Variants in WSCD2 observed in about 807,000 individuals in gnomAD.
The protein encoded by WSCD2 is WSC domain sialate O sulfotransferase 2.
A neutral mutation model predicts 55.7 loss-of-function variants in WSCD2; 28 were observed. The ratio of observed to expected loss-of-function variants is 0.50; its 90% CI spans 0.37 to 0.69. The LOEUF (loss-of-function observed/expected upper bound fraction) is 0.69. Ranked by LOEUF, WSCD2 falls within the 30% of genes least tolerant of loss-of-function variation. WSCD2 has a pLI of 0.00. For missense variants in WSCD2, 616 were observed against 762.1 expected (o/e 0.81, Z 2.26); for synonymous variants, 301 against 301.9 (o/e 1.00, Z 0.03).
In WSCD2 at chr12:108,210,402, G is replaced by A; in HGVS notation, c.682+97G>A. On this transcript the variant is annotated intron_variant, in intron 4 of 8. Transcript: ENST00000547525. This position sits in a 1 kb window ranked among gnomAD's most constrained non-coding sequence, Gnocchi z 4.3. ...ACATGTCTGCCCTGTACCCTCCATG[G>A]CTCCCCATCACTCCAAGGCCACCAC... The A allele has an allele frequency of 1.4e-6, 2 of 1,440,870 alleles. No individual in the cohort carries two copies. The highest frequency in any genetic ancestry group is 1.8e-6 in the Non-Finnish European group (2 of 1,085,234). 89.3% of individuals were successfully genotyped at this position (1,440,870 alleles called of 1,614,324 possible).
intron 1 of WSCD2, among the ~76,000 whole-genome samples, chr12:108,153,507 G>A (rs1436159907): frequency 6.6e-6 from 1 of 152,150 alleles, no homozygotes; most frequent in Non-Finnish European, 1.5e-5. Flanking sequence ...TAAGAGTTAG[G>A]GCTTATAACC....
intron 1 of WSCD2, among the ~76,000 whole-genome samples, chr12:108,186,067 C>T (rs1365295601): frequency 1.3e-5 from 2 of 152,152 alleles, no homozygotes; most frequent in African/African-American, 4.8e-5. Flanking sequence ...CTCACCCCTT[C>T]ATCTCTCTCC....
At chr12:108,231,196 T>G (rs1275488717) in intron 6 of WSCD2, among the ~76,000 whole-genome samples, 1 of 152,058 alleles carries the variant, frequency 6.6e-6, no homozygotes, top group African/African-American at 2.4e-5. Context: ...TGCCTTCCCT[T>G]GGATGATAAA....
At position 108,224,964 on chromosome 12, in the gene WSCD2, G is replaced by A. The variant is rs1457582126; in HGVS notation, c.804+104G>A. ...GAGAAGCAACAGCTCAGTCGGGATA[G>A]ATGTAGTCGTTGACTGGGATCTATG... On this transcript the variant is annotated intron_variant, in intron 5 of 8. Transcript: ENST00000547525. 1.5e-5 allele frequency: 23 copies of A among 1,487,236 alleles called. No homozygotes were observed. The East Asian group carries it at 5.1e-4, about 33-fold the overall frequency. The allele number at this position is 1,487,236 out of a possible 1,614,324, so 92.1% of individuals were successfully genotyped here.
chr12:108,222,521 A>G (rs538651404), intron 4 of WSCD2, among the ~76,000 whole-genome samples: 1 of 152,238 alleles, frequency 6.6e-6, no homozygotes, highest in Non-Finnish European at 1.5e-5. Flanking sequence ...GATGGTTTTG[A>G]TCACACTGTG....
At chr12:108,167,958 A>G (rs1019416190) in intron 1 of WSCD2, among the ~76,000 whole-genome samples, 1 of 152,162 alleles carries the variant, frequency 6.6e-6, no homozygotes, top group African/African-American at 2.4e-5. Context: ...TGAGGGGTAA[A>G]ATGATCCTGG....
At chr12:108,206,001 G>A (rs983375149) in intron 2 of WSCD2, among the ~76,000 whole-genome samples, 2 of 152,180 alleles carry the variant, frequency 1.3e-5, no homozygotes, top group African/African-American at 4.8e-5. Context: ...GGTGCTTAGG[G>A]AGTGGCCTTG....
intron 1 of WSCD2, among the ~76,000 whole-genome samples, chr12:108,150,136 C>T (rs374214404): frequency 3.9e-5 from 6 of 152,128 alleles, no homozygotes; most frequent in Admixed American, 2.6e-4. Context: ...GTTATTATTA[C>T]CCTCATTTTA....
intron 7 of WSCD2, among the ~76,000 whole-genome samples, chr12:108,239,588 A>G (rs1281722333): frequency 6.6e-6 from 1 of 152,150 alleles, no homozygotes; most frequent in Non-Finnish European, 1.5e-5. Flanking sequence ...CCCTCATTCT[A>G]TGGGCCACAG....
intron 8 of WSCD2, among the ~76,000 whole-genome samples, chr12:108,245,501 G>A (rs1890023602): frequency 6.6e-6 from 1 of 152,214 alleles, no homozygotes; most frequent in South Asian, 2.1e-4. Context: ...TGGGATACCT[G>A]GAGCTACCTG....
Position 108,196,143 on chromosome 12 carries a change from T to C in WSCD2, c.311T>C (p.Leu104Pro), listed in dbSNP as rs369086967. 2.6e-5 allele frequency: 42 copies of C among 1,614,156 alleles called. No individual in the cohort carries two copies. In the African/African-American group the frequency reaches 3.6e-4, roughly 14 times the overall value. ...KGKDGNERAKLGDYGGAWSRA... is the reference protein window; with the variant it reads ...KGKDGNERAKPGDYGGAWSRA... ...AAGGATGGGAATGAGAGAGCCAAGCTTGGCGACTACGGTGGAGCCTGGAGC... is the reference window on the plus strand; with the variant it reads ...AAGGATGGGAATGAGAGAGCCAAGCCTGGCGACTACGGTGGAGCCTGGAGC... Residue 104 changes from leucine (L) to proline (P), a missense_variant, in exon 2 of 9, where the codon CTT becomes CCT. Transcript: ENST00000547525.
At chr12:108,162,839 G>A (rs1214630731) in intron 1 of WSCD2, among the ~76,000 whole-genome samples, 1 of 152,150 alleles carries the variant, frequency 6.6e-6, no homozygotes. Context: ...CCCTGGACTT[G>A]GTAAATGGCT....
chr12:108,171,711 G>A (rs1880273999), intron 1 of WSCD2: 1 of 152,064 alleles, frequency 6.6e-6, no homozygotes, highest in East Asian at 1.9e-4. Context: ...GCTGGATTAA[G>A]AGTTTCCATC....
intron 1 of WSCD2, among the ~76,000 whole-genome samples, chr12:108,152,089 C>G (rs1878060551): frequency 6.6e-6 from 1 of 152,200 alleles, no homozygotes. Context: ...TAGCTGCACT[C>G]TGATCCCCCC....
At chr12:108,240,574 G>A (rs776366077) in intron 8 of WSCD2, 30 bp downstream of exon 8, 16 of 1,558,034 alleles carry the variant, frequency 1.0e-5, no homozygotes, top group East Asian at 2.3e-5. Context: ...GGGAGGGGAG[G>A]GGAGGGGCTT....
chr12:108,158,073 C>T (rs1379697207), intron 1 of WSCD2, among the ~76,000 whole-genome samples: 1 of 152,206 alleles, frequency 6.6e-6, no homozygotes, highest in Non-Finnish European at 1.5e-5. Flanking sequence ...ATGCTCTGCA[C>T]AGCCTGTACT....
intron 4 of WSCD2, among the ~76,000 whole-genome samples, chr12:108,214,217 C>G (rs1460196360): frequency 6.6e-6 from 1 of 152,194 alleles, no homozygotes; most frequent in Non-Finnish European, 1.5e-5. Flanking sequence ...TAAGCAGTGG[C>G]ACAGAACCTT....
At chr12:108,149,667 C>T (rs1008785432) in intron 1 of WSCD2, among the ~76,000 whole-genome samples, 1 of 152,162 alleles carries the variant, frequency 6.6e-6, no homozygotes, top group African/African-American at 2.4e-5. Flanking sequence ...ATGATGTGTC[C>T]CCCACCCCGC....
At chr12:108,151,994 C>T (rs1015385447) in intron 1 of WSCD2, among the ~76,000 whole-genome samples, 2 of 152,206 alleles carry the variant, frequency 1.3e-5, no homozygotes, top group Admixed American at 1.3e-4. Flanking sequence ...GGCCATCGAT[C>T]TCCTTCCAAG....
Sources: allele counts gnomAD v4.1 joint callset (sites outside exome capture counted in the v4.1 genomes callset), GRCh38; gene constraint gnomAD v4.1.1; non-coding constraint Gnocchi (gnomAD v3.1); transcripts MANE v1.5; gene names NCBI Gene and HGNC (gene_info 2026-07-23, HGNC 2026-07-21).